Variants in ERAP1 observed in about 807,000 individuals in gnomAD.
The protein encoded by ERAP1 is endoplasmic reticulum aminopeptidase 1.
A neutral mutation model predicts 103.7 loss-of-function variants in ERAP1; 86 were observed. That is an observed-to-expected ratio of 0.83 (90% CI 0.70 to 0.99). The LOEUF (loss-of-function observed/expected upper bound fraction) is 0.99, where lower values mean the gene tolerates loss of function less well. Ranked by LOEUF, ERAP1 falls within the 50% of genes least tolerant of loss-of-function variation. The pLI, the probability that ERAP1 is intolerant of heterozygous loss-of-function variation, is 0.00. For synonymous variants in ERAP1, 398 were observed against 402.4 expected (o/e 0.99, Z 0.13); for missense variants, 1,009 against 1,128.4 (o/e 0.89, Z 1.52).
At chr5:96,827,851 C>T in the ERAP1 span, among the ~76,000 whole-genome samples, 1 of 152,104 alleles carries the variant, frequency 6.6e-6, no homozygotes, top group East Asian at 1.9e-4. Context: ...ACAGAGACTC[C>T]TGTATTGGTT....
chr5:96,829,218 T>C, the ERAP1 span, among the ~76,000 whole-genome samples: 2 of 152,216 alleles, frequency 1.3e-5, no homozygotes, highest in Non-Finnish European at 2.9e-5. Flanking sequence ...CTTACACATG[T>C]ATACAGATAG....
chr5:96,924,597 G>T, the ERAP1 span, among the ~76,000 whole-genome samples: 1 of 150,398 alleles, frequency 6.6e-6, no homozygotes, highest in Admixed American at 6.6e-5. Context: ...CGGGCTAACA[G>T]ATTTTTTTTT....
At chr5:96,810,945 G>A (rs1426749762), upstream of ERAP1, among the ~76,000 whole-genome samples, 1 of 152,062 alleles carries the variant, frequency 6.6e-6, no homozygotes, top group African/African-American at 2.4e-5. Flanking sequence ...CAGAATCATG[G>A]TGTAGAAAAC....
chr5:96,780,574 C>CT (rs1478864277), intron 17 of ERAP1, 70 bp from the exon 18 acceptor site: 2 of 1,182,722 alleles, frequency 1.7e-6, no homozygotes, highest in African/African-American at 3.0e-5. Flanking sequence ...TAAGGGCCTC[C>CT]TATATATAAT....
exon 20 of ERAP1, chr5:96,762,662 T>A (rs1768412913): frequency 2.8e-6 from 1 of 351,706 alleles, no homozygotes; most frequent in Non-Finnish European, 5.1e-6. Flanking sequence ...GTGTCTATAT[T>A]CAAATTACTA....
At chr5:96,872,134 C>A in the ERAP1 span, among the ~76,000 whole-genome samples, 1 of 151,888 alleles carries the variant, frequency 6.6e-6, no homozygotes. Flanking sequence ...TTATAGAGAT[C>A]CTTTTGAAAA....
chr5:96,777,593 A>ACACTT, intron 18 of ERAP1, among the ~76,000 whole-genome samples: 1 of 147,322 alleles, frequency 6.8e-6, no homozygotes, highest in African/African-American at 2.5e-5. Context: ...AACCTGGAAA[A>ACACTT]CACTTCACTC....
intron 19 of ERAP1, among the ~76,000 whole-genome samples, chr5:96,763,413 T>C (rs991934298): frequency 6.6e-6 from 1 of 152,208 alleles, no homozygotes; most frequent in Non-Finnish European, 1.5e-5. Context: ...AAAGTCCCCA[T>C]GCAACAGAAA....
the ERAP1 span, among the ~76,000 whole-genome samples, chr5:96,928,198 T>A: frequency 6.6e-6 from 1 of 152,246 alleles, no homozygotes; most frequent in Non-Finnish European, 1.5e-5. Flanking sequence ...TATCTTTTCA[T>A]TTCTTGATAC....
chr5:96,837,856 G>C, the ERAP1 span, among the ~76,000 whole-genome samples: 1 of 152,154 alleles, frequency 6.6e-6, no homozygotes, highest in African/African-American at 2.4e-5. Flanking sequence ...GGAGCTGAAA[G>C]GGGGACAGAG....
At chr5:96,877,650 C>T in the ERAP1 span, among the ~76,000 whole-genome samples, 52 of 152,294 alleles carry the variant, frequency 3.4e-4, no homozygotes, top group Middle Eastern at 3.4e-3. Context: ...CCCATGATCA[C>T]GTAGGTGAGG....
At chr5:96,900,916 T>C in the ERAP1 span, among the ~76,000 whole-genome samples, 94,703 of 151,906 alleles carry the variant, frequency 0.62, 29,678 homozygotes, top group South Asian at 0.73. Context: ...TCGCCCACCT[T>C]GGCCTCCCAA....
the ERAP1 span, among the ~76,000 whole-genome samples, chr5:96,926,640 T>C: frequency 6.6e-6 from 1 of 152,212 alleles, no homozygotes; most frequent in Admixed American, 6.5e-5. Flanking sequence ...TTTTAAAAGG[T>C]TCATCTATGT....
At chr5:96,935,853 C>T in the ERAP1 span, 1 of 385,384 alleles carries the variant, frequency 2.6e-6, no homozygotes, top group Non-Finnish European at 4.7e-6. Flanking sequence ...GCAGCCGGGT[C>T]CACTTCAGGT....
At chr5:96,771,296 G>A (rs1350190270), downstream of ERAP1, among the ~76,000 whole-genome samples, 1 of 152,090 alleles carries the variant, frequency 6.6e-6, no homozygotes, top group Non-Finnish European at 1.5e-5. Flanking sequence ...ATGATGAGTG[G>A]ATTTACTGGA....
At chr5:96,809,503 C>CT (rs979062261), upstream of ERAP1, among the ~76,000 whole-genome samples, 46 of 151,370 alleles carry the variant, frequency 3.0e-4, no homozygotes, top group Non-Finnish European at 3.2e-4. Context: ...CAGTATTTCT[C>CT]TTTTTTTTTC....
the ERAP1 span, among the ~76,000 whole-genome samples, chr5:96,854,206 T>A: frequency 6.6e-6 from 1 of 152,340 alleles, no homozygotes; most frequent in South Asian, 2.1e-4. Context: ...AAATCTCTTA[T>A]GAGAATCAAA....
At chr5:96,914,854 G>A in the ERAP1 span, among the ~76,000 whole-genome samples, 13 of 151,908 alleles carry the variant, frequency 8.6e-5, no homozygotes, top group Admixed American at 1.3e-4. Context: ...ATACATTAGA[G>A]TGTCTATTAT....
the ERAP1 span, among the ~76,000 whole-genome samples, chr5:96,904,975 A>G: frequency 5.0e-4 from 76 of 151,918 alleles, no homozygotes; most frequent in African/African-American, 1.6e-3. Flanking sequence ...GAGCTTGGAC[A>G]AGTTTTGTTT....
Sources: allele counts gnomAD v4.1 joint callset (sites outside exome capture counted in the v4.1 genomes callset), GRCh38; gene constraint gnomAD v4.1.1; transcripts MANE v1.5; gene names NCBI Gene and HGNC (gene_info 2026-07-23, HGNC 2026-07-21).